Variants in TARP observed in about 807,000 individuals in gnomAD.
the TARP span, among the ~76,000 whole-genome samples, chr7:38,267,032 G>C: frequency 6.6e-6 from 1 of 151,394 alleles, no homozygotes; most frequent in African/African-American, 2.4e-5. Flanking sequence ...ATGCACCAGG[G>C]GTGTATTTTT....
At chr7:38,273,534 G>T in the TARP span, 2 of 1,392,128 alleles carry the variant, frequency 1.4e-6, no homozygotes, top group Non-Finnish European at 2.0e-6. Flanking sequence ...GCCAGCTCCT[G>T]CCTGCCAGCC....
chr7:38,271,919 A>T, the TARP span, among the ~76,000 whole-genome samples: 1 of 151,560 alleles, frequency 6.6e-6, no homozygotes, highest in Non-Finnish European at 1.5e-5. Flanking sequence ...GTAAGAAATT[A>T]AATGTTATAG....
the TARP span, among the ~76,000 whole-genome samples, chr7:38,263,798 A>C: frequency 7.0e-6 from 1 of 143,100 alleles, no homozygotes; most frequent in East Asian, 2.0e-4. Context: ...TTATGCACTC[A>C]CTGAGATCTT....
the TARP span, among the ~76,000 whole-genome samples, chr7:38,263,030 C>A: frequency 6.6e-6 from 1 of 151,576 alleles, no homozygotes; most frequent in Non-Finnish European, 1.5e-5. Flanking sequence ...AGAAAAATTT[C>A]TCATCTAAGC....
chr7:38,269,448 T>G, the TARP span: 6 of 723,532 alleles, frequency 8.3e-6, no homozygotes, highest in South Asian at 8.9e-5. Flanking sequence ...TTTCCTGCTT[T>G]CCCTCTATTA....
the TARP span, among the ~76,000 whole-genome samples, chr7:38,268,704 T>G: frequency 6.6e-6 from 1 of 151,550 alleles, no homozygotes; most frequent in Admixed American, 6.6e-5. Context: ...TTTTGCCACG[T>G]GATTAAAAAG....
chr7:38,273,488 T>C, the TARP span: 3 of 998,854 alleles, frequency 3.0e-6, no homozygotes, highest in Non-Finnish European at 4.6e-6. Flanking sequence ...GATTTCACCA[T>C]GATTAGTGAC....
At chr7:38,273,594 G>T in the TARP span, 11,259 of 1,597,442 alleles carry the variant, frequency 7.0e-3, 658 homozygotes, top group African/African-American at 0.13. Flanking sequence ...TACCTGTAAT[G>T]ATAAGCTTTG....
chr7:38,270,345 C>T, the TARP span, among the ~76,000 whole-genome samples: 2 of 151,724 alleles, frequency 1.3e-5, no homozygotes, highest in Non-Finnish European at 1.5e-5. Context: ...ATTCTCAAAG[C>T]CATCGTCCCC....
the TARP span, among the ~76,000 whole-genome samples, chr7:38,261,870 CAAAAAAA>C: frequency 1.1e-3 from 56 of 52,464 alleles, no homozygotes; most frequent in South Asian, 0.021. Flanking sequence ...AGACTCTGTC[CAAAAAAA>C]AAAAAAAAAG....
the TARP span, among the ~76,000 whole-genome samples, chr7:38,262,709 T>C: frequency 4.6e-5 from 7 of 151,496 alleles, no homozygotes; most frequent in East Asian, 1.4e-3. Context: ...TGGAGTATAG[T>C]ACGGTGTCAT....
At chr7:38,270,592 T>C in the TARP span, among the ~76,000 whole-genome samples, 1 of 151,690 alleles carries the variant, frequency 6.6e-6, no homozygotes, top group Non-Finnish European at 1.5e-5. Flanking sequence ...GACTTCTGTC[T>C]AGTTCATGCC....
the TARP span, chr7:38,262,310 A>G: frequency 1.1e-6 from 1 of 947,360 alleles, no homozygotes; most frequent in Non-Finnish European, 1.7e-6. Context: ...GAGAGGCAGG[A>G]GGACAGTTAT....
chr7:38,272,125 A>G, the TARP span, among the ~76,000 whole-genome samples: 2 of 151,336 alleles, frequency 1.3e-5, 1 homozygote, highest in South Asian at 4.2e-4. Context: ...AGTCTTTTAG[A>G]CATAGAAAGC....
At chr7:38,263,073 A>G in the TARP span, among the ~76,000 whole-genome samples, 1 of 151,758 alleles carries the variant, frequency 6.6e-6, no homozygotes, top group Admixed American at 6.6e-5. Flanking sequence ...CAAATCATGC[A>G]TATCCCCAAT....
chr7:38,267,172 G>T, the TARP span, among the ~76,000 whole-genome samples: 62 of 151,490 alleles, frequency 4.1e-4, no homozygotes, highest in Non-Finnish European at 7.2e-4. Context: ...CTGTTTTAAA[G>T]CTCCATTATT....
At chr7:38,270,023 G>T in the TARP span, among the ~76,000 whole-genome samples, 5 of 151,916 alleles carry the variant, frequency 3.3e-5, no homozygotes, top group Admixed American at 3.3e-4. Context: ...GGTCACTTGA[G>T]CCTAGGAGTT....
At chr7:38,262,958 C>T in the TARP span, among the ~76,000 whole-genome samples, 1 of 151,648 alleles carries the variant, frequency 6.6e-6, no homozygotes, top group Non-Finnish European at 1.5e-5. Flanking sequence ...CACACTCGGC[C>T]AAGAATTCTT....
At chr7:38,267,102 T>A in the TARP span, among the ~76,000 whole-genome samples, 2 of 151,710 alleles carry the variant, frequency 1.3e-5, no homozygotes. Context: ...AATCAGTGTA[T>A]CTATATTTTG....
Sources: gnomAD v4.1 joint callset for allele counts (sites outside exome capture counted in the v4.1 genomes callset) on GRCh38, gnomAD v4.1.1 for gene constraint, MANE v1.5 for transcripts.